The following MX2 variants were observed in gnomAD, a reference collection of about 807,000 sequenced individuals.
MX2 encodes the protein interferon-induced GTP-binding protein Mx2.
In MX2, 51 loss-of-function variants were observed where a neutral mutation model predicts 74.0. The observed-to-expected ratio is 0.69, with a 90% confidence interval of 0.55 to 0.87. The LOEUF is 0.87. Ranked by LOEUF, MX2 falls within the 40% of genes least tolerant of loss-of-function variation. The pLI, the probability that MX2 is intolerant of heterozygous loss-of-function variation, is 0.00. For synonymous variants in MX2, 369 were observed against 339.3 expected, an observed-to-expected ratio of 1.09 and a Z score of -0.96; for missense variants, 832 against 908.7, an observed-to-expected ratio of 0.92 and a Z score of 1.09.
Position 41,376,825 on chromosome 21 carries a change from T to G in MX2, c.-71-11T>G. ...GACCTGTGGGCCGCTCTCCCTCTTGTGTCTTTGCAGAGCTTGTCAGGAAGA... is the reference window on the plus strand; with the variant it reads ...GACCTGTGGGCCGCTCTCCCTCTTGGGTCTTTGCAGAGCTTGTCAGGAAGA... On this transcript the variant is annotated splice_polypyrimidine_tract_variant and intron_variant, in intron 1 of 13. Transcript: ENST00000330714. The G allele has an allele frequency of 1.3e-6, 2 of 1,571,338 alleles. No individual in the cohort carries two copies. The highest frequency in any genetic ancestry group is 1.7e-6 in the Non-Finnish European group (2 of 1,158,388).
At chr21:41,407,870 G>A (rs539214316) in intron 13 of MX2, 121 bp from the exon 14 acceptor site, 6 of 1,321,696 alleles carry the variant, frequency 4.5e-6, no homozygotes, top group East Asian at 2.3e-5. Context: ...GGAGGTGGGC[G>A]AGACCACCAG....
At chr21:41,396,652 G>A (rs1340919905) in intron 7 of MX2, among the ~76,000 whole-genome samples, 1 of 152,116 alleles carries the variant, frequency 6.6e-6, no homozygotes, top group Non-Finnish European at 1.5e-5. Flanking sequence ...GGTCTTGAGC[G>A]CCAACAGCCA....
chr21:41,377,848 C>T lies in MX2; in HGVS notation c.309C>T (p.Leu103=). Residue 103 remains leucine, a synonymous_variant, in exon 3 of 14, where the codon CTC becomes CTT. Coordinates refer to ENST00000330714, the MANE Select transcript of MX2 (RefSeq NM_002463.2). ...YEQKVRPCID[L]IDSLRALGVE... is the part of the protein sequence containing the mutation. ...AGAAGGTGCGCCCCTGCATTGACCT[C>T]ATCGACTCCCTGCGGGCTCTGGGTG... The T allele has an allele frequency of 6.2e-7, 1 of 1,614,232 alleles. No homozygotes were observed. Among genetic ancestry groups the T allele is most frequent in the Non-Finnish European group, 8.5e-7 (1 of 1,180,042 alleles).
Position 41,409,357 on chromosome 21 carries a change from A to G in MX2, c.*1124A>G, listed in dbSNP as rs368788189. The stretch of plus-strand genomic sequence containing the variant: ...TTTTCCTGTATGTTTCAAATGATGA[A>G]CATATAGATTCCTTAATAAAAAGGC... On this transcript the variant is annotated 3_prime_UTR_variant, in exon 14 of 14. Transcript: ENST00000330714. The G allele has an allele frequency of 2.0e-5, 3 of 152,204 alleles. No homozygotes were observed. The highest frequency in any genetic ancestry group is 7.2e-5 in the African/African-American group (3 of 41,448). The allele number at this position is 152,204 out of a possible 1,614,324, so 9.4% of individuals were successfully genotyped here. A position where few individuals can be genotyped will look rare whatever the true frequency, so the allele number is the denominator to read the frequency against.
At chr21:41,383,102 T>C (rs1203007724) in intron 5 of MX2, among the ~76,000 whole-genome samples, 2 of 152,106 alleles carry the variant, frequency 1.3e-5, no homozygotes, top group African/African-American at 4.8e-5. Flanking sequence ...CGCATGCCTG[T>C]AATCCCAACA....
At chr21:41,393,854 C>T (rs964884399) in intron 6 of MX2, among the ~76,000 whole-genome samples, 1 of 152,188 alleles carries the variant, frequency 6.6e-6, no homozygotes, top group Admixed American at 6.5e-5. Flanking sequence ...CACCTCCTCT[C>T]CAAGGCTTCC....
At chr21:41,403,639 A>G (rs758230859) in intron 12 of MX2, 1 of 641,412 alleles carries the variant, frequency 1.6e-6, no homozygotes. Flanking sequence ...ACTGGCTGGT[A>G]GGCTGAATCT....
rs2089479319 is a variant in MX2 at position 41,380,800 on chromosome 21, G to T, written c.577+649G>T. On this transcript the variant is annotated intron_variant, in intron 4 of 13. Coordinates refer to ENST00000330714, the MANE Select transcript of MX2 (RefSeq NM_002463.2). The surrounding 1 kb of genome is among the most constrained non-coding windows in gnomAD (Gnocchi z 4.3). Reference sequence around the variant, plus strand: ...CCTTCTCCCCCGAGGGGCCCTAGTGGTTACGTCCCTTGGAGTGCACAGCCC... The same window carrying T: ...CCTTCTCCCCCGAGGGGCCCTAGTGTTTACGTCCCTTGGAGTGCACAGCCC... Among the ~76,000 whole-genome samples the T allele has an allele frequency of 6.6e-6, 1 of 152,206 alleles. No homozygotes were observed. The highest frequency in any genetic ancestry group is 1.5e-5 in the Non-Finnish European group (1 of 68,034).
rs1430010782 is a variant in MX2, at chr21:41,408,262, T to C, written c.*29T>C. The C allele has an allele frequency of 6.2e-7, 1 of 1,610,738 alleles. No individual in the cohort carries two copies. The highest frequency in any genetic ancestry group is 8.5e-7 in the Non-Finnish European group (1 of 1,177,944). ...GCGGCGATGCCTGTGGTTGTTTTCT[T>C]GTGCGTACTCATTCATTCTAAGGGG... On this transcript the variant is annotated 3_prime_UTR_variant, in exon 14 of 14. Coordinates refer to ENST00000330714, the MANE Select transcript of MX2 (RefSeq NM_002463.2).
chr21:41,397,472 GT>G (rs1339133065), intron 7 of MX2, 140 bp from the exon 8 acceptor site: 3 of 645,838 alleles, frequency 4.6e-6, no homozygotes, highest in Non-Finnish European at 8.1e-6. Flanking sequence ...GGTGGCAAGT[GT>G]CTTTCTTATG....
In MX2 at chr21:41,390,594, G is replaced by A; in HGVS notation, c.762G>A (p.Gln254=). 1 of 1,614,206 alleles carries A rather than the reference G, an allele frequency of 6.2e-7. No homozygotes were observed. The highest frequency in any genetic ancestry group is 8.5e-7 in the Non-Finnish European group (1 of 1,180,038). Residue 254 remains glutamine, a synonymous_variant, in exon 6 of 14, where the codon CAG becomes CAA. Coordinates refer to ENST00000330714, the MANE Select transcript of MX2 (RefSeq NM_002463.2). ...QIKALIKKYI[Q]RQQTINLVVV... is the part of the protein sequence containing the mutation. The stretch of plus-strand genomic sequence containing the variant: ...AGGCTCTCATCAAGAAGTACATCCA[G>A]AGGCAGCAGACGATCAACTTGGTGG...
chr21:41,382,626 C>T (rs762486163), intron 5 of MX2, 62 bp downstream of exon 5: 11 of 1,601,356 alleles, frequency 6.9e-6, no homozygotes, highest in African/African-American at 1.3e-5. Context: ...CAGAGGTCCC[C>T]AGGGTCCTGG....
chr21:41,380,250 C>T lies in MX2; in HGVS notation c.577+99C>T. ...TCAAGTCACCCCCACAGTGACCACT[C>T]AGCTCCTAGCCCCATGTGCTCCCAC... On this transcript the variant is annotated intron_variant, in intron 4 of 13. Coordinates refer to ENST00000330714, the MANE Select transcript of MX2 (RefSeq NM_002463.2). This position sits in a 1 kb window ranked among gnomAD's most constrained non-coding sequence, Gnocchi z 4.3. 1.3e-6 allele frequency: 2 copies of T among 1,516,686 alleles called. No individual in the cohort carries two copies. Among genetic ancestry groups the T allele is most frequent in the Non-Finnish European group, 1.8e-6 (2 of 1,115,788 alleles). The allele number at this position is 1,516,686 out of a possible 1,614,324, so 94.0% of individuals were successfully genotyped here. A position where few individuals can be genotyped will look rare whatever the true frequency, so the allele number is the denominator to read the frequency against.
At chr21:41,372,069 G>A (rs569039744) in intron 1 of MX2, among the ~76,000 whole-genome samples, 5 of 152,206 alleles carry the variant, frequency 3.3e-5, no homozygotes, top group Non-Finnish European at 5.9e-5. Context: ...ATAATCTTTT[G>A]ATAGGAAGAT....
At chr21:41,375,518 G>A (rs1376844590) in intron 1 of MX2, among the ~76,000 whole-genome samples, 1 of 152,224 alleles carries the variant, frequency 6.6e-6, no homozygotes, top group East Asian at 1.9e-4. Context: ...CCCAGCTCCT[G>A]GTGGCTGTGG....
Position 41,388,131 on chromosome 21 carries a change from A to C in MX2, c.733-2434A>C, listed in dbSNP as rs993690655. On this transcript the variant is annotated intron_variant, in intron 5 of 13. Transcript: ENST00000330714. The surrounding 1 kb of genome is among the most constrained non-coding windows in gnomAD (Gnocchi z 4.0). The stretch of plus-strand genomic sequence containing the variant: ...GCCTCTGCCCTTCCCGGCAGCACCC[A>C]TCCCAAGAATGTTTCCCACACAGCT... Among the ~76,000 whole-genome samples, 14 of 152,128 alleles carry C rather than the reference A, an allele frequency of 9.2e-5. No homozygotes were observed. Among genetic ancestry groups the C allele is most frequent in the Non-Finnish European group, 2.1e-4 (14 of 68,030 alleles).
chr21:41,382,590 G>A (rs577782164), intron 5 of MX2, 26 bp downstream of exon 5: 3 of 1,613,748 alleles, frequency 1.9e-6, no homozygotes, highest in Non-Finnish European at 2.5e-6. Flanking sequence ...ATTTGGGATT[G>A]GGCTCTGCTG....
At position 41,388,769 on chromosome 21, in the gene MX2, G is replaced by C. The variant is rs1223540566; in HGVS notation, c.733-1796G>C. ...ATATCCTACATGAATGCACATGAGT[G>C]AGTGTGCATTAAATACGGTGATTCC... On this transcript the variant is annotated intron_variant, in intron 5 of 13. Coordinates refer to ENST00000330714, the MANE Select transcript of MX2 (RefSeq NM_002463.2). This position sits in a 1 kb window ranked among gnomAD's most constrained non-coding sequence, Gnocchi z 4.0. Among the ~76,000 whole-genome samples, 1 of 152,238 alleles carries C rather than the reference G, an allele frequency of 6.6e-6. No homozygotes were observed. The highest frequency in any genetic ancestry group is 2.4e-5 in the African/African-American group (1 of 41,456).
At chr21:41,364,219 G>C (rs112022310) in intron 1 of MX2, 6 of 152,490 alleles carry the variant, frequency 3.9e-5, no homozygotes, top group African/African-American at 1.4e-4. Flanking sequence ...ACCCCGCAGG[G>C]CCTTCCTCTC....
Sources: allele counts gnomAD v4.1 joint callset (sites outside exome capture counted in the v4.1 genomes callset), GRCh38; gene constraint gnomAD v4.1.1; non-coding constraint Gnocchi (gnomAD v3.1); transcripts MANE v1.5; gene names NCBI Gene and HGNC (gene_info 2026-07-23, HGNC 2026-07-21).